The following SCG3 variants were observed in gnomAD, a reference collection of about 807,000 sequenced individuals.
SCG3 encodes secretogranin III.
In SCG3, 38 loss-of-function variants were observed where a neutral mutation model predicts 56.2. That is an observed-to-expected ratio of 0.68 (90% CI 0.52 to 0.89). The LOEUF is 0.89. SCG3 is among the 40% of genes least tolerant of loss of function. The pLI, the probability that SCG3 is intolerant of heterozygous loss-of-function variation, is 0.00. For missense variants in SCG3, 524 were observed against 540.7 expected (o/e 0.97, Z 0.31); for synonymous variants, 176 against 184.2 (o/e 0.96, Z 0.36).
chr15:51,689,996 G>T (rs1247339237), intron 6 of SCG3, among the ~76,000 whole-genome samples: 1 of 152,024 alleles, frequency 6.6e-6, no homozygotes, highest in African/African-American at 2.4e-5. Context: ...TGTGTGTACA[G>T]TCCCAGTGAA....
intron 10 of SCG3, among the ~76,000 whole-genome samples, chr15:51,701,778 T>C (rs2055340883): frequency 6.6e-6 from 1 of 152,134 alleles, no homozygotes; most frequent in Non-Finnish European, 1.5e-5. Flanking sequence ...TGGTGGCACA[T>C]GCCTATAGTT....
intron 10 of SCG3, among the ~76,000 whole-genome samples, chr15:51,709,122 T>TA (rs752309953): frequency 1.1e-4 from 17 of 152,280 alleles, no homozygotes; most frequent in South Asian, 6.2e-4. Flanking sequence ...AGGAAACTTA[T>TA]AATCATGGCG....
rs78494859 is a variant in SCG3 at position 51,685,353 on chromosome 15, C to G, written c.397+1919C>G. 2.8e-3 allele frequency among the ~76,000 whole-genome samples: 419 copies of G among 152,304 alleles called. 21 individuals carry two copies. In the East Asian group the frequency reaches 0.065, roughly 24 times the overall value. On this transcript the variant is annotated intron_variant, in intron 4 of 11. Coordinates refer to ENST00000220478, the MANE Select transcript of SCG3 (RefSeq NM_013243.4). ...TATTGAGTTGGCTGGATTGGTCAAA[C>G]TTGTTGTACATGCAGGCAGAGACAT...
intron 4 of SCG3, among the ~76,000 whole-genome samples, chr15:51,684,281 T>C (rs1337245958): frequency 6.6e-6 from 1 of 152,180 alleles, no homozygotes; most frequent in Non-Finnish European, 1.5e-5. Flanking sequence ...TATAGCAAAA[T>C]CTACAGTTCT....
At chr15:51,692,119 A>G (rs779234451) in intron 6 of SCG3, 40 bp from the exon 7 acceptor site, 1 of 1,555,570 alleles carries the variant, frequency 6.4e-7, no homozygotes, top group Non-Finnish European at 8.7e-7. Context: ...CACTAGTTCT[A>G]ACAAAATGTT....
At chr15:51,715,095 T>G (rs2055445320) in intron 11 of SCG3, 1 of 152,224 alleles carries the variant, frequency 6.6e-6, no homozygotes, top group African/African-American at 2.4e-5. Context: ...TTTCACTGAT[T>G]AGCATATGAA....
chr15:51,704,978 G>C (rs895669416), intron 10 of SCG3, among the ~76,000 whole-genome samples: 1 of 151,576 alleles, frequency 6.6e-6, no homozygotes, highest in African/African-American at 2.4e-5. Context: ...CTACATCCTT[G>C]CCTAGACTTT....
At chr15:51,711,219 C>T (rs1428959923) in intron 10 of SCG3, among the ~76,000 whole-genome samples, 5 of 152,190 alleles carry the variant, frequency 3.3e-5, no homozygotes, top group Admixed American at 2.6e-4. Flanking sequence ...AAGAGGGAGG[C>T]ATGAGAGTGG....
At chr15:51,682,464 T>C in intron 1 of SCG3, 53 bp from the exon 2 acceptor site, 1 of 903,930 alleles carries the variant, frequency 1.1e-6, no homozygotes, top group Non-Finnish European at 1.7e-6. Flanking sequence ...ATAAGAGGCA[T>C]ATTTTGTCCT....
chr15:51,719,681 G>T lies in SCG3; in HGVS notation c.*155G>T. 1 of 566,742 alleles carries T rather than the reference G, an allele frequency of 1.8e-6. No homozygotes were observed. Among genetic ancestry groups the T allele is most frequent in the Non-Finnish European group, 3.1e-6 (1 of 322,172 alleles). The allele number at this position is 566,742 out of a possible 1,614,324, so 35.1% of individuals were successfully genotyped here. A position where few individuals can be genotyped will look rare whatever the true frequency, so the allele number is the denominator to read the frequency against. On this transcript the variant is annotated 3_prime_UTR_variant, in exon 12 of 12. Coordinates refer to ENST00000220478, the MANE Select transcript of SCG3 (RefSeq NM_013243.4). Reference sequence around the variant, plus strand: ...ACCTTTTACAAGTGGTTAAAACATAGCTTTCTTCCCGTAAAAACTATCTGA... The same window carrying T: ...ACCTTTTACAAGTGGTTAAAACATATCTTTCTTCCCGTAAAAACTATCTGA...
rs570934589 is a variant in SCG3 at position 51,688,071 on chromosome 15, T to A, written c.398-189T>A. The stretch of plus-strand genomic sequence containing the variant: ...TAAGAAAGTTTCAGAATGTCCATTA[T>A]CATACTAAGTTTTTAACATGAAGAC... On this transcript the variant is annotated intron_variant, in intron 4 of 11. Transcript: ENST00000220478. Among the ~76,000 whole-genome samples the A allele has an allele frequency of 3.9e-5, 6 of 152,318 alleles. No individual in the cohort carries two copies. In the South Asian group the frequency reaches 1.2e-3, roughly 32 times the overall value.
intron 10 of SCG3, among the ~76,000 whole-genome samples, chr15:51,711,044 T>A (rs550586955): frequency 6.6e-6 from 1 of 152,202 alleles, no homozygotes; most frequent in African/African-American, 2.4e-5. Context: ...AAAAAGCCAA[T>A]ATAAGGTGTG....
At chr15:51,700,867 A>T (rs1327256329) in intron 9 of SCG3, among the ~76,000 whole-genome samples, 1 of 150,770 alleles carries the variant, frequency 6.6e-6, no homozygotes, top group African/African-American at 2.4e-5. Flanking sequence ...GGTGGGGGGG[A>T]TATATCTAAA....
At chr15:51,690,043 A>G (rs1455036979) in intron 6 of SCG3, among the ~76,000 whole-genome samples, 1 of 152,152 alleles carries the variant, frequency 6.6e-6, no homozygotes, top group East Asian at 1.9e-4. Flanking sequence ...TTGGTATCCA[A>G]CATCTGTTCA....
At chr15:51,713,146 G>T in intron 10 of SCG3, 187 bp from the exon 11 acceptor site, 1 of 403,928 alleles carries the variant, frequency 2.5e-6, no homozygotes, top group Non-Finnish European at 4.5e-6. Flanking sequence ...TGCTCTCCTT[G>T]ACCTAAACCC....
chr15:51,688,200 T>A, intron 4 of SCG3, 60 bp from the exon 5 acceptor site: 1 of 1,489,236 alleles, frequency 6.7e-7, no homozygotes, highest in Non-Finnish European at 9.2e-7. Flanking sequence ...ATAAGTATAA[T>A]ATGATGCATG....
intron 10 of SCG3, among the ~76,000 whole-genome samples, chr15:51,711,984 C>T (rs1284466249): frequency 3.3e-5 from 5 of 152,110 alleles, no homozygotes; most frequent in Non-Finnish European, 5.9e-5. Flanking sequence ...ATGGGCAACT[C>T]TTAGGGCAGT....
At chr15:51,713,629 C>T (rs996289822) in intron 11 of SCG3, among the ~76,000 whole-genome samples, 12 of 152,206 alleles carry the variant, frequency 7.9e-5, no homozygotes, top group South Asian at 6.2e-4. Context: ...TTTTCTTTTA[C>T]GTTTTATTAG....
At chr15:51,696,070 T>C (rs759753891) in intron 8 of SCG3, 79 bp downstream of exon 8, 16 of 799,226 alleles carry the variant, frequency 2.0e-5, no homozygotes, top group African/African-American at 3.5e-5. Context: ...AATAATGACC[T>C]CATTAATTTG....
Sources: allele counts gnomAD v4.1 joint callset (sites outside exome capture counted in the v4.1 genomes callset), GRCh38; gene constraint gnomAD v4.1.1; transcripts MANE v1.5; gene names NCBI Gene and HGNC (gene_info 2026-07-23, HGNC 2026-07-21).